The following NPHP4 variants were observed in gnomAD, a reference collection of about 807,000 sequenced individuals.
NPHP4 encodes nephrocystin 4.
NPHP4 carries 151 observed loss-of-function variants against 155.8 expected under a neutral mutation model. The ratio of observed to expected loss-of-function variants is 0.97; its 90% CI spans 0.85 to 1.11. The LOEUF (loss-of-function observed/expected upper bound fraction) is 1.11. NPHP4 is among the 50% of genes least tolerant of loss of function. The probability of loss-of-function intolerance (pLI) is 0.00; values close to 1 mark genes in which losing one functional copy is unlikely to be tolerated. For missense variants in NPHP4, 1,956 were observed against 1,925.7 expected, an observed-to-expected ratio of 1.02 and a Z score of -0.29; for synonymous variants, 845 against 816.8, an observed-to-expected ratio of 1.03 and a Z score of -0.59.
intron 17 of NPHP4, among the ~76,000 whole-genome samples, chr1:5,888,170 G>A (rs2100871497): frequency 6.6e-6 from 1 of 152,322 alleles, no homozygotes; most frequent in Admixed American, 6.5e-5. Flanking sequence ...GGAAGCCTCA[G>A]ACCCAGCAGG....
chr1:5,907,100 G>A lies in NPHP4; in HGVS notation c.1611+15C>T, dbSNP rs1450540379. On this transcript the variant is annotated intron_variant, in intron 13 of 29. Coordinates refer to ENST00000378156, the MANE Select transcript of NPHP4 (RefSeq NM_015102.5). ...TCCTTGGTGGAAGGCAAGGCGGCAG[G>A]TGGGCGGCACTTACTGCCTGGGCCG... The A allele has an allele frequency of 2.1e-6, 3 of 1,439,448 alleles. No homozygotes were observed. Among genetic ancestry groups the A allele is most frequent in the Middle Eastern group, 1.8e-4 (1 of 5,464 alleles). The allele number at this position is 1,439,448 out of a possible 1,614,324, so 89.2% of individuals were successfully genotyped here.
chr1:5,934,597 G>C (rs115413424), intron 9 of NPHP4, among the ~76,000 whole-genome samples: 2,717 of 152,282 alleles, frequency 0.018, 61 homozygotes, highest in African/African-American at 0.061. Flanking sequence ...AAAGTAAAAT[G>C]GGGTGGCTCC....
chr1:5,946,544 G>C (rs959494035), intron 9 of NPHP4, among the ~76,000 whole-genome samples: 1 of 152,214 alleles, frequency 6.6e-6, no homozygotes, highest in Non-Finnish European at 1.5e-5. Flanking sequence ...CCAGCAGAAT[G>C]CACCTGTGAT....
chr1:5,977,511 A>T (rs138674461), intron 3 of NPHP4, among the ~76,000 whole-genome samples: 1 of 152,032 alleles, frequency 6.6e-6, no homozygotes, highest in East Asian at 2.0e-4. Flanking sequence ...AATTTAACAC[A>T]ACTTGCAATT....
chr1:5,990,783 A>G (rs2102491476), intron 1 of NPHP4, among the ~76,000 whole-genome samples: 1 of 152,372 alleles, frequency 6.6e-6, no homozygotes, highest in Admixed American at 6.5e-5. Flanking sequence ...AAAGGAACCC[A>G]GGGCTAATGC....
intron 23 of NPHP4, chr1:5,868,250 G>A (rs996093071): frequency 1.3e-5 from 5 of 378,644 alleles, no homozygotes; most frequent in African/African-American, 4.2e-5. Flanking sequence ...GACACCCTGT[G>A]TGCATGTGCG....
chr1:5,916,731 C>T (rs568662985), intron 11 of NPHP4, among the ~76,000 whole-genome samples: 5 of 152,306 alleles, frequency 3.3e-5, no homozygotes, highest in Non-Finnish European at 7.3e-5. Flanking sequence ...CAAGCTAGGC[C>T]GGGTGCAGTG....
chr1:5,970,853 C>T (rs1570698707), intron 3 of NPHP4, among the ~76,000 whole-genome samples: 1 of 151,928 alleles, frequency 6.6e-6, no homozygotes, highest in African/African-American at 2.4e-5. Flanking sequence ...AAACATCAGC[C>T]ATGAGATATA....
intron 9 of NPHP4, among the ~76,000 whole-genome samples, chr1:5,938,479 C>G (rs1442523228): frequency 6.6e-6 from 1 of 152,144 alleles, no homozygotes; most frequent in Non-Finnish European, 1.5e-5. Context: ...GTCCTCAAAT[C>G]GGATCCAGTA....
intron 9 of NPHP4, among the ~76,000 whole-genome samples, chr1:5,945,129 C>T (rs1647024382): frequency 6.6e-6 from 1 of 152,214 alleles, no homozygotes; most frequent in African/African-American, 2.4e-5. Context: ...ATACAGATGT[C>T]ATAATCACAA....
intron 11 of NPHP4, among the ~76,000 whole-genome samples, chr1:5,918,419 CA>C (rs1393662154): frequency 6.6e-6 from 1 of 152,064 alleles, no homozygotes; most frequent in East Asian, 1.9e-4. Flanking sequence ...AAGAAAATTG[CA>C]GAATCTTAAA....
At chr1:5,979,315 C>T (rs1447108905) in intron 2 of NPHP4, among the ~76,000 whole-genome samples, 2 of 138,414 alleles carry the variant, frequency 1.4e-5, no homozygotes, top group African/African-American at 2.6e-5. Flanking sequence ...TGGTGAAGAA[C>T]GGGGAGAGAG....
At position 5,927,653 on chromosome 1, in the gene NPHP4, A is replaced by G; in HGVS notation, c.1437T>C (p.Pro479=). 1 of 1,604,454 alleles carries G rather than the reference A, an allele frequency of 6.2e-7. No homozygotes were observed. Among genetic ancestry groups the G allele is most frequent in the Non-Finnish European group, 8.5e-7 (1 of 1,172,374 alleles). ...RRPSRKPPTS[P]SSPPAPVPRV... ...CAGCTCTCTGGAAACACTTACTCGA[A>G]GGGGACGTGGGTGGTTTCCTGGAAG... Residue 479 remains proline, a synonymous_variant, in exon 11 of 30, where the codon CCT becomes CCC. Coordinates refer to ENST00000378156, the MANE Select transcript of NPHP4 (RefSeq NM_015102.5).
chr1:5,866,373 G>A lies in NPHP4; in HGVS notation c.3644C>T (p.Ser1215Leu), dbSNP rs1035793129. 15 of 1,595,210 alleles carry A rather than the reference G, an allele frequency of 9.4e-6. No individual in the cohort carries two copies. Among genetic ancestry groups the A allele is most frequent in the African/African-American group, 2.7e-5 (2 of 74,618 alleles). ...EIKDFFVIIY[S>L]DRWLATPTQT... ...AGGTCCCCAAAGCCTGTGCACTTAC[G>A]AGTAAATGATGACAAAGAAGTCTTT... The change falls in exon 26 of 30, where the codon TCG (serine) becomes TTG (leucine). Residue 1215 changes from serine to leucine, a missense_variant and splice_region_variant. Physicochemically the swap from Ser to Leu is moderately radical, Grantham distance 145. Coordinates refer to ENST00000378156, the MANE Select transcript of NPHP4 (RefSeq NM_015102.5).
Position 5,891,130 on chromosome 1 carries a change from TTC to T in NPHP4, c.2144-104_2144-103del, listed in dbSNP as rs968708723. Reference sequence around the variant, plus strand: ...TCTGGTCATGATTACTAATTTCTGCTTCTGTCATAGCTACAGTTAATAAACAC... The same window carrying T: ...TCTGGTCATGATTACTAATTTCTGCTTGTCATAGCTACAGTTAATAAACAC... On this transcript the variant is annotated intron_variant, in intron 16 of 29. Coordinates refer to ENST00000378156, the MANE Select transcript of NPHP4 (RefSeq NM_015102.5). 1.1e-5 allele frequency: 8 copies of T among 758,596 alleles called. No homozygotes were observed. In the African/African-American group the frequency reaches 1.4e-4, roughly 13 times the overall value. The allele number at this position is 758,596 out of a possible 1,614,324, so 47.0% of individuals were successfully genotyped here. A position where few individuals can be genotyped will look rare whatever the true frequency, so the allele number is the denominator to read the frequency against.
chr1:5,878,387 C>T (rs1165975957), intron 19 of NPHP4, among the ~76,000 whole-genome samples: 5 of 152,256 alleles, frequency 3.3e-5, no homozygotes, highest in Non-Finnish European at 7.3e-5. Flanking sequence ...CTGGTCTGAG[C>T]TACCTGCAGC....
At chr1:5,990,268 C>T (rs1370221678) in intron 1 of NPHP4, among the ~76,000 whole-genome samples, 1 of 152,138 alleles carries the variant, frequency 6.6e-6, no homozygotes, top group Non-Finnish European at 1.5e-5. Context: ...TGTAGTCCTG[C>T]GAGACTGTGA....
intron 11 of NPHP4, among the ~76,000 whole-genome samples, chr1:5,911,887 C>T (rs1645195484): frequency 6.6e-6 from 1 of 152,200 alleles, no homozygotes; most frequent in South Asian, 2.1e-4. Flanking sequence ...CCAGGGAGCA[C>T]CCGCTGTACT....
chr1:5,961,633 C>G (rs1650330769), intron 6 of NPHP4, among the ~76,000 whole-genome samples, 161 bp downstream of exon 6: 1 of 152,190 alleles, frequency 6.6e-6, no homozygotes, highest in Admixed American at 6.5e-5. Flanking sequence ...CCATTCCATC[C>G]TCCTCCACTG....
Sources: allele counts gnomAD v4.1 joint callset (sites outside exome capture counted in the v4.1 genomes callset), GRCh38; gene constraint gnomAD v4.1.1; transcripts MANE v1.5; gene names NCBI Gene and HGNC (gene_info 2026-07-23, HGNC 2026-07-21).